The following ST8SIA1 variants were observed in gnomAD, a reference collection of about 807,000 sequenced individuals.
ST8SIA1 encodes the protein ST8 alpha-N-acetyl-neuraminide alpha-2,8-sialyltransferase 1.
A neutral mutation model predicts 35.9 loss-of-function variants in ST8SIA1; 16 were observed. That is an observed-to-expected ratio of 0.45 (90% CI 0.30 to 0.68). The LOEUF is 0.68. Ranked by LOEUF, ST8SIA1 falls within the 30% of genes least tolerant of loss-of-function variation. The pLI, the probability that ST8SIA1 is intolerant of heterozygous loss-of-function variation, is 0.09. For synonymous variants in ST8SIA1, 170 were observed against 169.6 expected (o/e 1.00, Z -0.02); for missense variants, 383 against 453.6 (o/e 0.84, Z 1.41).
intron 4 of ST8SIA1, among the ~76,000 whole-genome samples, chr12:22,235,065 T>C (rs1418346918): frequency 6.6e-6 from 1 of 152,156 alleles, no homozygotes; most frequent in Non-Finnish European, 1.5e-5. Context: ...ATTGTGTGTG[T>C]GCGCAGGGTG....
intron 1 of ST8SIA1, among the ~76,000 whole-genome samples, chr12:22,304,687 C>A (rs145382818): frequency 2.0e-5 from 3 of 152,240 alleles, no homozygotes; most frequent in African/African-American, 7.2e-5. Context: ...TCAGAAAAGT[C>A]TTTGTTTAAA....
chr12:22,265,303 A>G (rs1353939964), intron 2 of ST8SIA1, among the ~76,000 whole-genome samples: 2 of 152,242 alleles, frequency 1.3e-5, no homozygotes, highest in Admixed American at 1.3e-4. Context: ...GTGGAGCAAA[A>G]CACGGAATAA....
intron 1 of ST8SIA1, among the ~76,000 whole-genome samples, chr12:22,316,641 GAA>G (rs1469210719): frequency 6.6e-6 from 1 of 151,806 alleles, no homozygotes; most frequent in African/African-American, 2.4e-5. Flanking sequence ...AGTCGTTATG[GAA>G]AAAAAATTCA....
intron 4 of ST8SIA1, among the ~76,000 whole-genome samples, chr12:22,247,891 A>G (rs988740873): frequency 2.6e-5 from 4 of 152,182 alleles, no homozygotes; most frequent in Non-Finnish European, 5.9e-5. Flanking sequence ...GAAAGTAGGC[A>G]AAAAATACAA....
Position 22,194,398 on chromosome 12 carries a change from T to C in ST8SIA1, c.*7154A>G, listed in dbSNP as rs900044709. ...GACTTCTCCAAGGCCTATAAACTAT[T>C]GTGCATTTCTATAAAATAGTCACAT... On this transcript the variant is annotated 3_prime_UTR_variant, in exon 5 of 5. Coordinates refer to ENST00000396037, the MANE Select transcript of ST8SIA1 (RefSeq NM_003034.4). 3 of 152,240 alleles carry C rather than the reference T, an allele frequency of 2.0e-5. No individual in the cohort carries two copies. The highest frequency in any genetic ancestry group is 4.4e-5 in the Non-Finnish European group (3 of 68,052). 9.4% of individuals were successfully genotyped at this position (152,240 alleles called of 1,614,324 possible). A position where few individuals can be genotyped will look rare whatever the true frequency, so the allele number is the denominator to read the frequency against.
chr12:22,266,848 T>TACACACACACACAC (rs145606826), intron 2 of ST8SIA1, among the ~76,000 whole-genome samples: 66 of 145,050 alleles, frequency 4.6e-4, no homozygotes, highest in African/African-American at 5.9e-4. Flanking sequence ...CACAAAAGTA[T>TACACACACACACAC]ACACACACAC....
intron 2 of ST8SIA1, among the ~76,000 whole-genome samples, chr12:22,260,286 C>T (rs1210640487): frequency 3.3e-5 from 5 of 151,722 alleles, no homozygotes; most frequent in Non-Finnish European, 7.4e-5. Flanking sequence ...CTCAGCTTCC[C>T]AAGTAGCTGG....
chr12:22,216,166 C>A (rs559327633), intron 4 of ST8SIA1, among the ~76,000 whole-genome samples: 6 of 152,258 alleles, frequency 3.9e-5, no homozygotes, highest in African/African-American at 1.4e-4. Context: ...AAGCCTCCTC[C>A]TTCTTATTTT....
intron 4 of ST8SIA1, among the ~76,000 whole-genome samples, chr12:22,245,819 A>G (rs188927522): frequency 2.8e-4 from 43 of 152,334 alleles, no homozygotes; most frequent in Admixed American, 2.4e-3. Context: ...TAAGTTGATC[A>G]CCAGTGGTTA....
intron 1 of ST8SIA1, among the ~76,000 whole-genome samples, chr12:22,312,713 GAA>G (rs63016160): frequency 0.048 from 5,006 of 103,526 alleles, 154 homozygotes; most frequent in South Asian, 0.21. Context: ...TCACGGAAAT[GAA>G]AAAAAAAAAA....
intron 3 of ST8SIA1, among the ~76,000 whole-genome samples, chr12:22,252,313 G>A (rs1865680882): frequency 6.6e-6 from 1 of 152,094 alleles, no homozygotes; most frequent in Non-Finnish European, 1.5e-5. Context: ...CATACGACAT[G>A]CTTTCTAATC....
chr12:22,286,309 C>A (rs1251594971), intron 2 of ST8SIA1, among the ~76,000 whole-genome samples: 1 of 152,186 alleles, frequency 6.6e-6, no homozygotes, highest in East Asian at 1.9e-4. Flanking sequence ...TGTGCCTCAG[C>A]TTTGTGGGAT....
chr12:22,315,361 C>A (rs1011768180), intron 1 of ST8SIA1, among the ~76,000 whole-genome samples: 2 of 152,098 alleles, frequency 1.3e-5, no homozygotes, highest in African/African-American at 4.8e-5. Flanking sequence ...TTAGAGCAAC[C>A]GTTCTTTCTC....
intron 1 of ST8SIA1, among the ~76,000 whole-genome samples, chr12:22,308,453 C>T (rs1428906939): frequency 6.6e-6 from 1 of 152,192 alleles, no homozygotes; most frequent in Non-Finnish European, 1.5e-5. Context: ...TGCTCTCTGA[C>T]ATCTTCAAAA....
At chr12:22,263,205 G>A (rs781057053) in intron 2 of ST8SIA1, among the ~76,000 whole-genome samples, 7 of 152,186 alleles carry the variant, frequency 4.6e-5, no homozygotes, top group Admixed American at 2.0e-4. Context: ...ACAGATATTC[G>A]AAATGTTCTC....
chr12:22,268,065 G>A (rs891269995), intron 2 of ST8SIA1, among the ~76,000 whole-genome samples: 3 of 152,166 alleles, frequency 2.0e-5, no homozygotes, highest in Non-Finnish European at 2.9e-5. Context: ...CCACAACAGC[G>A]AATAAGCCCC....
intron 2 of ST8SIA1, among the ~76,000 whole-genome samples, chr12:22,263,523 T>G (rs898189560): frequency 6.6e-6 from 1 of 152,236 alleles, no homozygotes; most frequent in Non-Finnish European, 1.5e-5. Flanking sequence ...TAAGTTTTGT[T>G]GATTTTGTTA....
intron 4 of ST8SIA1, among the ~76,000 whole-genome samples, chr12:22,215,049 T>C (rs1423068839): frequency 6.6e-6 from 1 of 152,188 alleles, no homozygotes; most frequent in Non-Finnish European, 1.5e-5. Context: ...CCTGGTAGTC[T>C]GGGTTCCTTC....
intron 2 of ST8SIA1, among the ~76,000 whole-genome samples, chr12:22,285,877 C>CAAAAAAAACAAAAAAAAAAAA (rs67273710): frequency 2.9e-5 from 3 of 103,632 alleles, no homozygotes; most frequent in African/African-American, 7.4e-5. Context: ...CTGTCAAAAA[C>CAAAAAAAACAAAAAAAAAAAA]AAAAAAAAAA....
Sources: gnomAD v4.1 joint callset for allele counts (sites outside exome capture counted in the v4.1 genomes callset) on GRCh38, gnomAD v4.1.1 for gene constraint, MANE v1.5 for transcripts, NCBI Gene and HGNC (gene_info 2026-07-23, HGNC 2026-07-21) for gene names.